RAPGEF1: variants seen among roughly 807,000 people sequenced by gnomAD.
The protein encoded by RAPGEF1 is CRK SH3-binding GNRP.
Under a neutral mutation model 143.3 loss-of-function variants are expected in RAPGEF1, and 33 were observed. The observed-to-expected ratio is 0.23, with a 90% confidence interval of 0.17 to 0.31. The LOEUF is 0.31. Ranked by LOEUF, RAPGEF1 falls within the 10% of genes least tolerant of loss-of-function variation. The pLI is 1.00. For synonymous variants in RAPGEF1, 629 were observed against 676.5 expected, an observed-to-expected ratio of 0.93 and a Z score of 1.09; for missense variants, 1,199 against 1,645.4, an observed-to-expected ratio of 0.73 and a Z score of 4.69.
Position 131,579,543 on chromosome 9 carries a change from G to A in RAPGEF1, c.3746C>T (p.Pro1249Leu). 1 of 1,614,042 alleles carries A rather than the reference G, an allele frequency of 6.2e-7. No individual in the cohort carries two copies. The highest frequency in any genetic ancestry group is 8.5e-7 in the Non-Finnish European group (1 of 1,179,894). Residue 1249 changes from proline (P) to leucine (L), a missense_variant, in exon 27 of 27, where the codon CCC becomes CTC. Pro to Leu is a moderately conservative substitution (Grantham distance 98). Transcript: ENST00000683357. ...TGTTTTTCTCCTTGTTATGTTCCTG[G>A]GTTTAATTTTCAGAGACAGTTCCCA... ...ALWELSLKIKPRNITRRKTDR... is the reference protein window; with the variant it reads ...ALWELSLKIKLRNITRRKTDR...
At chr9:131,671,216 T>C (rs751522823) in intron 1 of RAPGEF1, among the ~76,000 whole-genome samples, 2 of 152,196 alleles carry the variant, frequency 1.3e-5, no homozygotes, top group East Asian at 1.9e-4. Context: ...AGCAGCTGTA[T>C]CCTCTAAGTC....
At chr9:131,613,916 C>T (rs576234053) in intron 12 of RAPGEF1, among the ~76,000 whole-genome samples, 2 of 152,286 alleles carry the variant, frequency 1.3e-5, no homozygotes, top group South Asian at 4.1e-4. Flanking sequence ...TGCTGCTAAA[C>T]CCCCAAGAAT....
At chr9:131,612,371 C>T (rs1958154865) in intron 12 of RAPGEF1, among the ~76,000 whole-genome samples, 1 of 152,156 alleles carries the variant, frequency 6.6e-6, no homozygotes, top group South Asian at 2.1e-4. Context: ...AGCCAAAATG[C>T]CAGGCTGTAA....
chr9:131,661,894 C>G (rs1460219352), intron 1 of RAPGEF1, among the ~76,000 whole-genome samples: 1 of 152,188 alleles, frequency 6.6e-6, no homozygotes, highest in Non-Finnish European at 1.5e-5. Flanking sequence ...TTCTTAGGAT[C>G]TTAAATCACC....
chr9:131,586,741 C>G (rs1229823799), intron 22 of RAPGEF1, among the ~76,000 whole-genome samples: 1 of 124,482 alleles, frequency 8.0e-6, no homozygotes, highest in Non-Finnish European at 1.7e-5. Context: ...CACACACACA[C>G]CTGCAGAGCG....
intron 1 of RAPGEF1, among the ~76,000 whole-genome samples, chr9:131,713,775 C>T (rs566958684): frequency 6.6e-6 from 1 of 152,092 alleles, no homozygotes; most frequent in East Asian, 1.9e-4. Flanking sequence ...GGCCACAGAG[C>T]GAGAACCCAT....
At chr9:131,694,864 T>C (rs1304058208) in intron 1 of RAPGEF1, among the ~76,000 whole-genome samples, 1 of 151,600 alleles carries the variant, frequency 6.6e-6, no homozygotes, top group African/African-American at 2.4e-5. Context: ...TAGTTACATT[T>C]GTATACATGT....
chr9:131,663,406 A>G (rs1278198268), intron 1 of RAPGEF1, among the ~76,000 whole-genome samples: 1 of 152,044 alleles, frequency 6.6e-6, no homozygotes, highest in Non-Finnish European at 1.5e-5. Context: ...TAACACTGAC[A>G]TAATATTTGC....
At chr9:131,622,597 G>A (rs756929874) in intron 10 of RAPGEF1, among the ~76,000 whole-genome samples, 3 of 152,280 alleles carry the variant, frequency 2.0e-5, no homozygotes, top group Non-Finnish European at 2.9e-5. Context: ...GAAGGAAAGT[G>A]TTCAAAGTCA....
intron 1 of RAPGEF1, among the ~76,000 whole-genome samples, chr9:131,715,919 C>T (rs1310171282): frequency 6.7e-6 from 1 of 148,690 alleles, no homozygotes; most frequent in Non-Finnish European, 1.5e-5. Flanking sequence ...CAACTCATTA[C>T]AATAAAATGG....
rs1324953814 is a variant in RAPGEF1, at chr9:131,579,641, A to G, written c.3648T>C (p.Tyr1216=). ...DSMRCFQQAH[Y]DMRRNDDIIN... ...TAATGTCGTCGTTCCTCCGCATGTC[A>G]TAGTGCCTGGTGCAGGGGATGGGGA... The change falls in exon 27 of 27, where the codon TAT becomes TAC. Residue 1216 remains tyrosine (Y), a synonymous_variant. Transcript: ENST00000683357. 1 of 1,613,860 alleles carries G rather than the reference A, an allele frequency of 6.2e-7. No homozygotes were observed. The highest frequency in any genetic ancestry group is 1.1e-5 in the South Asian group (1 of 91,086).
Position 131,627,908 on chromosome 9 carries a change from C to A in RAPGEF1, c.1201+5G>T. 6.3e-7 allele frequency: 1 copy of A among 1,576,662 alleles called. No individual in the cohort carries two copies. Among genetic ancestry groups the A allele is most frequent in the Non-Finnish European group, 8.6e-7 (1 of 1,161,622 alleles). ...CGATGGAACAGGAGGATGGTGGCGG[C>A]TCACCTAGTGTTTCACAGCTTGTGT... On this transcript the variant is annotated splice_donor_5th_base_variant and intron_variant, in intron 9 of 26. Transcript: ENST00000683357.
At chr9:131,600,070 C>T (rs1301114433) in intron 15 of RAPGEF1, among the ~76,000 whole-genome samples, 2 of 151,772 alleles carry the variant, frequency 1.3e-5, no homozygotes. Flanking sequence ...GAGCCGAGAT[C>T]GCACCACTGC....
At chr9:131,645,098 G>A (rs1310629497) in intron 3 of RAPGEF1, among the ~76,000 whole-genome samples, 3 of 152,132 alleles carry the variant, frequency 2.0e-5, no homozygotes, top group South Asian at 2.1e-4. Flanking sequence ...ATTTGTTTAC[G>A]GTCTGTTTCC....
intron 1 of RAPGEF1, among the ~76,000 whole-genome samples, chr9:131,706,021 A>T (rs1352902041): frequency 6.6e-6 from 1 of 152,152 alleles, no homozygotes; most frequent in Non-Finnish European, 1.5e-5. Context: ...TTAAAGTCTT[A>T]TTCTCCAGAG....
chr9:131,594,515 T>G (rs1954902950), intron 17 of RAPGEF1, among the ~76,000 whole-genome samples: 2 of 152,170 alleles, frequency 1.3e-5, no homozygotes, highest in Non-Finnish European at 2.9e-5. Flanking sequence ...CAGGCTGGGC[T>G]CCACGGGCCT....
At chr9:131,737,282 C>T in intron 1 of RAPGEF1, 2 of 1,516,770 alleles carry the variant, frequency 1.3e-6, no homozygotes, top group East Asian at 2.3e-5. Flanking sequence ...GCCCCTTCCC[C>T]TCTCTCCTCT....
chr9:131,690,116 T>C (rs1479269556), intron 1 of RAPGEF1, among the ~76,000 whole-genome samples: 1 of 152,210 alleles, frequency 6.6e-6, no homozygotes, highest in Non-Finnish European at 1.5e-5. Flanking sequence ...TTAAATTTGC[T>C]CACTCCCTAG....
Position 131,621,743 on chromosome 9 carries a change from C to T in RAPGEF1, c.1905+53G>A, listed in dbSNP as rs1250551460. On this transcript the variant is annotated intron_variant, in intron 11 of 26. Transcript: ENST00000683357. This position sits in a 1 kb window ranked among gnomAD's most constrained non-coding sequence, Gnocchi z 4.5. The stretch of plus-strand genomic sequence containing the variant: ...CCCCCAAGGAGGGTCATTCTGGTTC[C>T]TAGAGACCTGCTAGGATCGGAAGTT... 20 of 1,524,894 alleles carry T rather than the reference C, an allele frequency of 1.3e-5. No homozygotes were observed. Among genetic ancestry groups the T allele is most frequent in the Non-Finnish European group, 1.8e-5 (20 of 1,127,906 alleles). 94.5% of individuals were successfully genotyped at this position (1,524,894 alleles called of 1,614,324 possible).
Sources: gnomAD v4.1 joint callset for allele counts (sites outside exome capture counted in the v4.1 genomes callset) on GRCh38, gnomAD v4.1.1 for gene constraint, Gnocchi (gnomAD v3.1) non-coding constraint, MANE v1.5 for transcripts, NCBI Gene and HGNC (gene_info 2026-07-23, HGNC 2026-07-21) for gene names.